Variants in USP3 observed in about 807,000 individuals in gnomAD.
USP3 encodes the protein ubiquitin carboxyl-terminal hydrolase 3.
In USP3, 20 loss-of-function variants were observed where a neutral mutation model predicts 72.3. The ratio of observed to expected loss-of-function variants is 0.28; its 90% CI spans 0.19 to 0.40. The LOEUF (loss-of-function observed/expected upper bound fraction) is 0.40. Among genes scored for constraint, USP3 ranks in the 10% least tolerant of loss-of-function variants. The pLI is 1.00. For synonymous variants in USP3, 222 were observed against 225.3 expected (o/e 0.99, Z 0.13); for missense variants, 479 against 633.9 (o/e 0.76, Z 2.62).
chr15:63,574,479 GTATCTTTAATTAA>G lies in USP3; in HGVS notation c.1096+87_1096+99del. 9.0e-7 allele frequency: 1 copy of G among 1,116,926 alleles called. No homozygotes were observed. The highest frequency in any genetic ancestry group is 1.3e-6 in the Non-Finnish European group (1 of 797,336). 69.2% of individuals were successfully genotyped at this position (1,116,926 alleles called of 1,614,324 possible). A position where few individuals can be genotyped will look rare whatever the true frequency, so the allele number is the denominator to read the frequency against. On this transcript the variant is annotated intron_variant, in intron 11 of 14. Transcript: ENST00000380324. The surrounding 1 kb of genome is among the most constrained non-coding windows in gnomAD (Gnocchi z 4.6). ...GATTGATAAGCTTCATCTATATGTG[GTATCTTTAATTAA>G]TATCTTTAATGAATCTGTGTTGTAA... is the stretch of plus-strand genomic sequence containing the variant.
chr15:63,556,609 C>G (rs1158494920), intron 4 of USP3, 58 bp from the exon 5 acceptor site: 1 of 1,361,798 alleles, frequency 7.3e-7, no homozygotes, highest in Admixed American at 2.4e-5. Flanking sequence ...ATTCTTTCAC[C>G]TGTGGTGTAG....
chr15:63,588,160 C>T lies in USP3; in HGVS notation c.1097-145C>T, dbSNP rs2067113394. Reference sequence around the variant, plus strand: ...CTTCAAAGTAGGTATTATTTTTTGTCTCCAGTTTGCAATTGAGAAAGGTTA... The same window carrying T: ...CTTCAAAGTAGGTATTATTTTTTGTTTCCAGTTTGCAATTGAGAAAGGTTA... On this transcript the variant is annotated intron_variant, in intron 11 of 14. Transcript: ENST00000380324. The surrounding 1 kb of genome is among the most constrained non-coding windows in gnomAD (Gnocchi z 4.6). The T allele has an allele frequency of 1.6e-5, 9 of 563,598 alleles. No individual in the cohort carries two copies. The South Asian group carries it at 1.9e-4, about 12-fold the overall frequency. The allele number at this position is 563,598 out of a possible 1,614,324, so 34.9% of individuals were successfully genotyped here.
At chr15:63,536,937 G>T (rs1477161977) in intron 2 of USP3, 88 bp from the exon 3 acceptor site, 1 of 1,350,464 alleles carries the variant, frequency 7.4e-7, no homozygotes, top group South Asian at 1.5e-5. Context: ...TCTTTATTTT[G>T]ATTTGATTAA....
Position 63,562,917 on chromosome 15 carries a change from A to G in USP3, c.670A>G (p.Lys224Glu). ...NNVSLVEEFR[K>E]TLCALWQGSQ... ...CAGGTCTTTGGTAGAAGAGTTTAGA[A>G]AGACACTCTGTGCTTTATGGCAAGG... Residue 224 changes from lysine (K) to glutamate (E), a missense_variant, in exon 8 of 15, where the codon AAG becomes GAG. Coordinates refer to ENST00000380324, the MANE Select transcript of USP3 (RefSeq NM_006537.4). 1 of 1,611,516 alleles carries G rather than the reference A, an allele frequency of 6.2e-7. No homozygotes were observed. The highest frequency in any genetic ancestry group is 8.5e-7 in the Non-Finnish European group (1 of 1,179,028).
chr15:63,570,700 G>A lies in USP3; in HGVS notation c.908+121G>A, dbSNP rs536412835. The A allele has an allele frequency of 1.7e-3, 2,448 of 1,424,490 alleles. 4 individuals carry two copies. The highest frequency in any genetic ancestry group is 2.0e-3 in the Non-Finnish European group (2,104 of 1,064,470). The allele number at this position is 1,424,490 out of a possible 1,614,324, so 88.2% of individuals were successfully genotyped here. Reference sequence around the variant, plus strand: ...TCTTGGACATTTGCTGGAACTTTTCGTGCCCTTGAACTTTGTGACCCAGTG... The same window carrying A: ...TCTTGGACATTTGCTGGAACTTTTCATGCCCTTGAACTTTGTGACCCAGTG... On this transcript the variant is annotated intron_variant, in intron 9 of 14. Transcript: ENST00000380324. The surrounding 1 kb of genome is among the most constrained non-coding windows in gnomAD (Gnocchi z 4.4).
chr15:63,550,995 A>T (rs79730824), intron 3 of USP3, among the ~76,000 whole-genome samples: 18,816 of 152,098 alleles, frequency 0.12, 1,581 homozygotes, highest in South Asian at 0.19. Flanking sequence ...CTGTATTTTT[A>T]AAAAATAAAG....
chr15:63,556,523 C>T (rs1297233084), intron 4 of USP3, 144 bp from the exon 5 acceptor site: 5 of 525,766 alleles, frequency 9.5e-6, no homozygotes, highest in East Asian at 3.2e-5. Flanking sequence ...ACTTCAAATA[C>T]GTGTGGGCCC....
At position 63,588,488 on chromosome 15, in the gene USP3, G is replaced by GTCTATAACTT; in HGVS notation, c.1215+67_1215+76dup. On this transcript the variant is annotated intron_variant, in intron 12 of 14. Coordinates refer to ENST00000380324, the MANE Select transcript of USP3 (RefSeq NM_006537.4). This position sits in a 1 kb window ranked among gnomAD's most constrained non-coding sequence, Gnocchi z 4.6. ...GAAAGTGCTTGACTGCTAAGACCAT[G>GTCTATAACTT]TCTATAACTTTACACTATGTGAACT... 1.7e-6 allele frequency: 2 copies of GTCTATAACTT among 1,205,772 alleles called. No homozygotes were observed. Among genetic ancestry groups the GTCTATAACTT allele is most frequent in the Non-Finnish European group, 2.4e-6 (2 of 837,030 alleles). 74.7% of individuals were successfully genotyped at this position (1,205,772 alleles called of 1,614,324 possible). A position where few individuals can be genotyped will look rare whatever the true frequency, so the allele number is the denominator to read the frequency against.
At position 63,593,411 on chromosome 15, in the gene USP3, G is replaced by C. The variant is rs1321055134; in HGVS notation, c.*2585G>C. On this transcript the variant is annotated 3_prime_UTR_variant, in exon 15 of 15. Coordinates refer to ENST00000380324, the MANE Select transcript of USP3 (RefSeq NM_006537.4). ...TCTAACATTGATACTTCGATCTTCA[G>C]TCTCTCTGAATGGGCAGCTGTTAAA... 2 of 152,192 alleles carry C rather than the reference G, an allele frequency of 1.3e-5. No individual in the cohort carries two copies. The highest frequency in any genetic ancestry group is 2.4e-5 in the African/African-American group (1 of 41,428). The allele number at this position is 152,192 out of a possible 1,614,324, so 9.4% of individuals were successfully genotyped here.
chr15:63,532,204 C>G (rs1197120811), intron 1 of USP3, among the ~76,000 whole-genome samples: 1 of 152,142 alleles, frequency 6.6e-6, no homozygotes, highest in African/African-American at 2.4e-5. Context: ...TAATTGTAAC[C>G]TTATGTTGTG....
At chr15:63,555,158 C>A (rs1426627436) in intron 4 of USP3, among the ~76,000 whole-genome samples, 2 of 152,168 alleles carry the variant, frequency 1.3e-5, no homozygotes, top group African/African-American at 4.8e-5. Flanking sequence ...GTGTCACAGA[C>A]CACCTGTCTA....
chr15:63,517,077 C>T (rs2065859900), intron 1 of USP3, among the ~76,000 whole-genome samples: 1 of 151,276 alleles, frequency 6.6e-6, no homozygotes, highest in Non-Finnish European at 1.5e-5. Flanking sequence ...TTTTAGGGTA[C>T]ATGTGCACAA....
intron 11 of USP3, among the ~76,000 whole-genome samples, chr15:63,585,271 T>G (rs1293276194): frequency 6.6e-6 from 1 of 152,262 alleles, no homozygotes; most frequent in Non-Finnish European, 1.5e-5. Flanking sequence ...AAATTTCTAT[T>G]GGGATTTTGA....
At chr15:63,531,167 C>T (rs891533174) in intron 1 of USP3, among the ~76,000 whole-genome samples, 6 of 152,204 alleles carry the variant, frequency 3.9e-5, no homozygotes, top group African/African-American at 1.4e-4. Flanking sequence ...TCACTGTGCT[C>T]TCCTATTCTC....
intron 1 of USP3, among the ~76,000 whole-genome samples, chr15:63,510,514 G>T (rs1434442678): frequency 6.6e-6 from 1 of 152,156 alleles, no homozygotes; most frequent in East Asian, 1.9e-4. Context: ...GATTATCATT[G>T]TTTGAAGTGG....
At chr15:63,585,168 A>G (rs1488667429) in intron 11 of USP3, among the ~76,000 whole-genome samples, 2 of 152,164 alleles carry the variant, frequency 1.3e-5, no homozygotes, top group Non-Finnish European at 2.9e-5. Flanking sequence ...TATGAGTCCT[A>G]TAACTTTGTT....
chr15:63,575,163 T>A (rs989117046), intron 11 of USP3, among the ~76,000 whole-genome samples: 25 of 151,284 alleles, frequency 1.7e-4, no homozygotes, highest in African/African-American at 5.8e-4. Flanking sequence ...TGATGGTTTT[T>A]TTTTTTTTTT....
At position 63,574,091 on chromosome 15, in the gene USP3, C is replaced by G; in HGVS notation, c.954C>G (p.Leu318=). The G allele has an allele frequency of 1.3e-6, 2 of 1,598,554 alleles. No homozygotes were observed. The highest frequency in any genetic ancestry group is 2.7e-5 in the African/African-American group (2 of 74,816). The change falls in exon 10 of 15, where the codon CTC becomes CTG. Residue 318 remains leucine (L), a synonymous_variant. Transcript: ENST00000380324. The surrounding 1 kb of genome is among the most constrained non-coding windows in gnomAD (Gnocchi z 4.6). ...TCACGGCTATATTCGGAGGCATTCT[C>G]CAAAATGAGGTTAACTGCCTCATAT... ...TVVTAIFGGI[L]QNEVNCLICG... is the part of the protein sequence containing the mutation.
At chr15:63,556,875 T>A in intron 5 of USP3, 127 bp downstream of exon 5, 2 of 745,028 alleles carry the variant, frequency 2.7e-6, no homozygotes, top group Non-Finnish European at 4.3e-6. Context: ...TTTGGAGTAT[T>A]TTACACAATG....
Sources: gnomAD v4.1 joint callset for allele counts (sites outside exome capture counted in the v4.1 genomes callset) on GRCh38, gnomAD v4.1.1 for gene constraint, Gnocchi (gnomAD v3.1) non-coding constraint, MANE v1.5 for transcripts, NCBI Gene and HGNC (gene_info 2026-07-23, HGNC 2026-07-21) for gene names.